PPM1E: variants seen among roughly 807,000 people sequenced by gnomAD.
The protein encoded by PPM1E is protein phosphatase, Mg2+/Mn2+ dependent 1E.
A neutral mutation model predicts 65.9 loss-of-function variants in PPM1E; 20 were observed. The observed-to-expected ratio is 0.30, with a 90% CI of 0.21 to 0.44. The LOEUF (loss-of-function observed/expected upper bound fraction) is 0.44, where lower values mean the gene tolerates loss of function less well. PPM1E is among the 20% of genes least tolerant of loss of function. The pLI is 1.00. For synonymous variants in PPM1E, 352 were observed against 374.9 expected (o/e 0.94, Z 0.70); for missense variants, 713 against 953.1 (o/e 0.75, Z 3.32).
At chr17:58,784,670 C>T (rs984739633) in intron 1 of PPM1E, among the ~76,000 whole-genome samples, 1 of 150,866 alleles carries the variant, frequency 6.6e-6, no homozygotes, top group Non-Finnish European at 1.5e-5. Flanking sequence ...GATTACAGGC[C>T]CGTGCCACCA....
chr17:58,841,520 A>C (rs2050716980), intron 1 of PPM1E, among the ~76,000 whole-genome samples: 2 of 144,088 alleles, frequency 1.4e-5, no homozygotes, highest in Admixed American at 6.8e-5. Context: ...AAAAACAAAT[A>C]CTTTTTTTTT....
chr17:58,980,817 C>T lies in PPM1E; in HGVS notation c.2054C>T (p.Pro685Leu). ...SKKWHRFRFN[P>L]KFYSFLSAQE... ...AAGTGGCACAGATTCAGGTTTAATCCAAAGTTTTATTCATTTCTCTCTGCT... is the reference window on the plus strand; with the variant it reads ...AAGTGGCACAGATTCAGGTTTAATCTAAAGTTTTATTCATTTCTCTCTGCT... Residue 685 changes from proline (P) to leucine (L), a missense_variant, in exon 7 of 7, where the codon CCA becomes CTA. By Grantham distance (98) the Pro-to-Leu change is moderately conservative. This residue lies in a region of PPM1E where 286 missense variants were observed against 313.8 expected (regional missense o/e 0.91). Coordinates refer to ENST00000308249, the MANE Select transcript of PPM1E (RefSeq NM_014906.5). The surrounding 1 kb of genome is among the most constrained non-coding windows in gnomAD (Gnocchi z 4.7). 6.2e-7 allele frequency: 1 copy of T among 1,614,120 alleles called. No homozygotes were observed. Among genetic ancestry groups the T allele is most frequent in the African/African-American group, 1.3e-5 (1 of 75,046 alleles).
At chr17:58,940,900 AG>A (rs2052057144) in intron 1 of PPM1E, among the ~76,000 whole-genome samples, 1 of 152,154 alleles carries the variant, frequency 6.6e-6, no homozygotes, top group Admixed American at 6.5e-5. Flanking sequence ...TAGTAGAGAC[AG>A]GGTTTTGCCA....
At chr17:58,762,823 G>A (rs912573073) in intron 1 of PPM1E, among the ~76,000 whole-genome samples, 8 of 150,896 alleles carry the variant, frequency 5.3e-5, no homozygotes, top group Admixed American at 1.3e-4. Flanking sequence ...GCGTGAACCC[G>A]GGAGGCGGAG....
chr17:58,901,111 C>T (rs2051493314), intron 1 of PPM1E, among the ~76,000 whole-genome samples: 1 of 152,114 alleles, frequency 6.6e-6, no homozygotes, highest in East Asian at 1.9e-4. Flanking sequence ...ATGCTTTACA[C>T]TTTGGGAATG....
At chr17:58,963,171 G>C (rs1274320218) in intron 2 of PPM1E, among the ~76,000 whole-genome samples, 8 of 151,496 alleles carry the variant, frequency 5.3e-5, no homozygotes, top group Non-Finnish European at 1.0e-4. Flanking sequence ...GATCACCTGA[G>C]GTCAGGAGTT....
At chr17:58,952,736 T>A (rs903559252) in intron 1 of PPM1E, among the ~76,000 whole-genome samples, 1 of 152,156 alleles carries the variant, frequency 6.6e-6, no homozygotes, top group Non-Finnish European at 1.5e-5. Flanking sequence ...TGCAGTGGCA[T>A]GATCTCAGCT....
chr17:58,845,092 A>G (rs1381382481), intron 1 of PPM1E, among the ~76,000 whole-genome samples: 1 of 152,154 alleles, frequency 6.6e-6, no homozygotes, highest in Non-Finnish European at 1.5e-5. Context: ...CCCAGCCTTA[A>G]CAGTGTTGCT....
chr17:58,899,254 G>A (rs1013177997), intron 1 of PPM1E: 1 of 152,056 alleles, frequency 6.6e-6, no homozygotes. Context: ...AGGATTACTT[G>A]AGCCCAGGAG....
At chr17:58,908,078 CT>C (rs1052947895) in intron 1 of PPM1E, among the ~76,000 whole-genome samples, 93 of 144,928 alleles carry the variant, frequency 6.4e-4, no homozygotes, top group African/African-American at 1.2e-3. Context: ...TCTTTTTCTG[CT>C]TTTTTTTTTT....
intron 1 of PPM1E, among the ~76,000 whole-genome samples, chr17:58,763,049 C>CTCCTAT (rs2049838275): frequency 6.6e-6 from 1 of 152,124 alleles, no homozygotes; most frequent in African/African-American, 2.4e-5. Flanking sequence ...TTTATCCAAT[C>CTCCTAT]TCCTATTGAT....
At chr17:58,969,465 T>A in intron 3 of PPM1E, 74 bp from the exon 4 acceptor site, 2 of 1,424,554 alleles carry the variant, frequency 1.4e-6, no homozygotes, top group Non-Finnish European at 2.0e-6. Context: ...TGGGCAACAA[T>A]GATGCCAGGA....
chr17:58,982,428 A>T lies in PPM1E; in HGVS notation c.*1397A>T, dbSNP rs2143843088. 1 of 153,440 alleles carries T rather than the reference A, an allele frequency of 6.5e-6. No individual in the cohort carries two copies. Among genetic ancestry groups the T allele is most frequent in the East Asian group, 1.9e-4 (1 of 5,212 alleles). The allele number at this position is 153,440 out of a possible 1,614,324, so 9.5% of individuals were successfully genotyped here. On this transcript the variant is annotated 3_prime_UTR_variant, in exon 7 of 7. Coordinates refer to ENST00000308249, the MANE Select transcript of PPM1E (RefSeq NM_014906.5). ...AGTCAACAGCAGACCAGCCTGGCCA[A>T]TGCCTATGGGTGGCCCCTCTGGAGT...
chr17:58,984,550 G>A lies in PPM1E; in HGVS notation c.*3519G>A, dbSNP rs543962450. 6.6e-6 allele frequency: 1 copy of A among 152,476 alleles called. No individual in the cohort carries two copies. Among genetic ancestry groups the A allele is most frequent in the African/African-American group, 2.4e-5 (1 of 41,426 alleles). 9.4% of individuals were successfully genotyped at this position (152,476 alleles called of 1,614,324 possible). ...CAGTTTTGTCCACACTTTAATTTGAGACCATTTTTCTTTGAATCGTAAGTT... is the reference window on the plus strand; with the variant it reads ...CAGTTTTGTCCACACTTTAATTTGAAACCATTTTTCTTTGAATCGTAAGTT... On this transcript the variant is annotated 3_prime_UTR_variant, in exon 7 of 7. Transcript: ENST00000308249.
intron 1 of PPM1E, among the ~76,000 whole-genome samples, chr17:58,855,450 C>T (rs2050872070): frequency 6.6e-6 from 1 of 152,194 alleles, no homozygotes; most frequent in Non-Finnish European, 1.5e-5. Flanking sequence ...TAGAATGCTT[C>T]CCCTTCCTCC....
chr17:58,876,920 A>G lies in PPM1E; in HGVS notation c.465-78729A>G, dbSNP rs527926608. Reference sequence around the variant, plus strand: ...TGCCTCAGCCTCCCGAGTAGCTGGGACTACAGGCACCCGCCACCACGCCCA... The same window carrying G: ...TGCCTCAGCCTCCCGAGTAGCTGGGGCTACAGGCACCCGCCACCACGCCCA... On this transcript the variant is annotated intron_variant, in intron 1 of 6. Coordinates refer to ENST00000308249, the MANE Select transcript of PPM1E (RefSeq NM_014906.5). Among the ~76,000 whole-genome samples the G allele has an allele frequency of 5.8e-3, 884 of 152,058 alleles. 5 individuals are homozygous for G. The highest frequency in any genetic ancestry group is 9.6e-3 in the African/African-American group (396 of 41,422).
intron 1 of PPM1E, among the ~76,000 whole-genome samples, chr17:58,807,787 A>G (rs1462074731): frequency 1.3e-5 from 2 of 152,216 alleles, no homozygotes; most frequent in Non-Finnish European, 2.9e-5. Flanking sequence ...AAACATTTTA[A>G]AAGGTACTTA....
At chr17:58,856,343 G>A (rs555744850) in intron 1 of PPM1E, among the ~76,000 whole-genome samples, 4 of 152,174 alleles carry the variant, frequency 2.6e-5, no homozygotes, top group East Asian at 1.9e-4. Flanking sequence ...GGATTCAAGC[G>A]ATCTCCTGCC....
intron 1 of PPM1E, among the ~76,000 whole-genome samples, chr17:58,926,356 A>T (rs973901081): frequency 6.6e-6 from 1 of 151,878 alleles, no homozygotes; most frequent in African/African-American, 2.4e-5. Context: ...AAAAAAGGCA[A>T]AGTATTCTAA....
Sources: allele counts gnomAD v4.1 joint callset (sites outside exome capture counted in the v4.1 genomes callset), GRCh38; gene constraint gnomAD v4.1.1; regional missense constraint gnomAD v4.1.1; non-coding constraint Gnocchi (gnomAD v3.1); transcripts MANE v1.5; gene names NCBI Gene and HGNC (gene_info 2026-07-23, HGNC 2026-07-21).